Variants in FGD5 observed in about 807,000 individuals in gnomAD.
FGD5 encodes FYVE, RhoGEF and PH domain containing 5.
Under a neutral mutation model 133.4 loss-of-function variants are expected in FGD5, and 28 were observed. The ratio of observed to expected loss-of-function variants is 0.21; its 90% confidence interval spans 0.16 to 0.29. FGD5 has a LOEUF of 0.29. Ranked by LOEUF, FGD5 falls within the 10% of genes least tolerant of loss-of-function variation. FGD5 has a pLI of 1.00. For missense variants in FGD5, 1,858 were observed against 1,895.2 expected (o/e 0.98, Z 0.36); for synonymous variants, 810 against 776.5 (o/e 1.04, Z -0.72).
chr3:14,897,389 T>G (rs1369283760), intron 4 of FGD5, 120 bp from the exon 5 acceptor site: 7 of 1,195,988 alleles, frequency 5.9e-6, no homozygotes, highest in Non-Finnish European at 8.3e-6. Flanking sequence ...AGACACTGGC[T>G]TAAGTCCTCA....
In FGD5 at chr3:14,833,502, G is replaced by A. The variant is rs894457545; in HGVS notation, c.2525+11906G>A. ...CGCACTGAGAGATGTGTCCAGCAGGGTAGTCTTGTAAGGTAGTGAGCTCCC... is the reference window on the plus strand; with the variant it reads ...CGCACTGAGAGATGTGTCCAGCAGGATAGTCTTGTAAGGTAGTGAGCTCCC... On this transcript the variant is annotated intron_variant, in intron 1 of 19. Coordinates refer to ENST00000285046, the MANE Select transcript of FGD5 (RefSeq NM_152536.4). Among the ~76,000 whole-genome samples the A allele has an allele frequency of 6.6e-5, 10 of 152,180 alleles. No individual in the cohort carries two copies. The South Asian group carries it at 1.7e-3, about 25-fold the overall frequency.
At chr3:14,866,618 C>T (rs2125106451) in intron 2 of FGD5, among the ~76,000 whole-genome samples, 1 of 152,260 alleles carries the variant, frequency 6.6e-6, no homozygotes, top group African/African-American at 2.4e-5. Context: ...AGTAATAGTA[C>T]CTGCTTCAGA....
intron 8 of FGD5, 24 bp downstream of exon 8, chr3:14,900,477 G>A: frequency 6.2e-7 from 1 of 1,611,742 alleles, no homozygotes; most frequent in Non-Finnish European, 8.5e-7. Context: ...GAATGCGGAG[G>A]GAGGTACTCA....
upstream of FGD5, chr3:14,810,827 G>A: frequency 1.0e-6 from 1 of 984,742 alleles, no homozygotes; most frequent in Non-Finnish European, 1.2e-6. Context: ...AAACGCCGAC[G>A]GCGGCCCGGG....
At chr3:14,897,691 G>A (rs2117775) in intron 5 of FGD5, 22 bp downstream of exon 5, 1,173,308 of 1,576,204 alleles carry the variant, frequency 0.74, 439,367 homozygotes, top group African/African-American at 0.84. Flanking sequence ...CTGGACCCCC[G>A]GGTTCCACTT....
In FGD5 at chr3:14,819,731, C is replaced by G; in HGVS notation, c.660C>G (p.Gly220=). Residue 220 remains glycine (G), a synonymous_variant, in exon 1 of 20, where the codon GGC becomes GGG. Transcript: ENST00000285046. The surrounding 1 kb of genome is among the most constrained non-coding windows in gnomAD (Gnocchi z 4.1). ...AGGCAGAGGAGGATGATGAGGAAGG[C>G]TGTGCCAGCACAGACCCAGCAGGGG... ...PGEAEEDDEE[G]CASTDPAGAD... 6.5e-7 allele frequency: 1 copy of G among 1,535,794 alleles called. No homozygotes were observed. Among genetic ancestry groups the G allele is most frequent in the Non-Finnish European group, 8.8e-7 (1 of 1,139,266 alleles).
At chr3:14,885,213 G>A (rs2037901973) in intron 4 of FGD5, among the ~76,000 whole-genome samples, 1 of 151,620 alleles carries the variant, frequency 6.6e-6, no homozygotes, top group South Asian at 2.1e-4. Flanking sequence ...TGGAAGAAGG[G>A]GTCAGGGGGC....
rs1280853927 is a variant in FGD5 at position 14,922,006 on chromosome 3, C to A, written c.3658C>A (p.His1220Asn). 3.2e-6 allele frequency: 5 copies of A among 1,560,208 alleles called. No individual in the cohort carries two copies. In the African/African-American group the frequency reaches 4.1e-5, roughly 13 times the overall value. ...GGCCCAGGCGCTGGCTGCATTCCAC[C>A]ATAGCGTGGAGGTGAGTGGGTGGGC... ...YKAQALAAFH[H>N]SVEIRERLGV... is the part of the protein sequence containing the mutation. The change falls in exon 14 of 20, where the codon CAT becomes AAT. Residue 1220 changes from histidine (H) to asparagine (N), a missense_variant. This residue lies in a region of FGD5 where 1,824 missense variants were observed against 1,848.9 expected (regional missense o/e 0.99). Coordinates refer to ENST00000285046, the MANE Select transcript of FGD5 (RefSeq NM_152536.4). The surrounding 1 kb of genome is among the most constrained non-coding windows in gnomAD (Gnocchi z 4.1).
intron 1 of FGD5, among the ~76,000 whole-genome samples, chr3:14,834,040 A>T (rs2036768265): frequency 6.6e-6 from 1 of 151,708 alleles, no homozygotes; most frequent in South Asian, 2.1e-4. Context: ...CTTACTTGGA[A>T]CCCCAACATA....
intron 1 of FGD5, among the ~76,000 whole-genome samples, chr3:14,844,426 G>T (rs1486424451): frequency 6.7e-6 from 1 of 150,182 alleles, no homozygotes; most frequent in African/African-American, 2.5e-5. Context: ...AACTAGCTGC[G>T]TGGAAAAGTC....
At chr3:14,906,481 GCCT>G (rs1559501188) in intron 9 of FGD5, among the ~76,000 whole-genome samples, 1 of 152,332 alleles carries the variant, frequency 6.6e-6, no homozygotes, top group South Asian at 2.1e-4. Flanking sequence ...AGGTCTCCTG[GCCT>G]CCTCCTGGAA....
At chr3:14,875,028 C>G (rs74963989) in intron 2 of FGD5, among the ~76,000 whole-genome samples, 12,042 of 152,242 alleles carry the variant, frequency 0.079, 714 homozygotes, top group East Asian at 0.24. Flanking sequence ...CCCTGAGTAC[C>G]TGTCTCTGAG....
intron 1 of FGD5, among the ~76,000 whole-genome samples, chr3:14,849,252 C>T (rs1480620116): frequency 1.3e-5 from 2 of 152,212 alleles, no homozygotes; most frequent in Non-Finnish European, 2.9e-5. Flanking sequence ...AAAAGGCCTG[C>T]GCCCACCTGC....
intron 4 of FGD5, among the ~76,000 whole-genome samples, chr3:14,885,838 C>T (rs1475179402): frequency 1.3e-5 from 2 of 152,140 alleles, no homozygotes; most frequent in South Asian, 2.1e-4. Context: ...CATAGTCTCT[C>T]CTATTCAATG....
At chr3:14,814,319 A>T (rs1174339088), upstream of FGD5, among the ~76,000 whole-genome samples, 3 of 152,140 alleles carry the variant, frequency 2.0e-5, no homozygotes, top group African/African-American at 7.2e-5. Context: ...AGTTCCCTGG[A>T]ATGCTCTATC....
At chr3:14,818,869 C>T (rs542864621), upstream of FGD5, 40 of 1,346,390 alleles carry the variant, frequency 3.0e-5, no homozygotes, top group Admixed American at 8.9e-4. Flanking sequence ...CCATCTGTGG[C>T]GTCCCCTGCA....
Position 14,819,721 on chromosome 3 carries a change from A to G in FGD5, c.650A>G (p.Asp217Gly). ...PDTPGEAEED[D>G]EEGCASTDPA... ...ACCCCCGGGGAGGCAGAGGAGGATG[A>G]TGAGGAAGGCTGTGCCAGCACAGAC... Residue 217 changes from aspartate (D) to glycine (G), a missense_variant, in exon 1 of 20, where the codon GAT becomes GGT. Coordinates refer to ENST00000285046, the MANE Select transcript of FGD5 (RefSeq NM_152536.4). The surrounding 1 kb of genome is among the most constrained non-coding windows in gnomAD (Gnocchi z 4.1). 6.5e-7 allele frequency: 1 copy of G among 1,535,734 alleles called. No individual in the cohort carries two copies. The highest frequency in any genetic ancestry group is 8.8e-7 in the Non-Finnish European group (1 of 1,138,966).
intron 1 of FGD5, among the ~76,000 whole-genome samples, chr3:14,812,674 T>C (rs1196659406): frequency 6.6e-6 from 1 of 152,202 alleles, no homozygotes; most frequent in Non-Finnish European, 1.5e-5. Flanking sequence ...GGCATGGTGG[T>C]TCACAGACTC....
chr3:14,919,874 C>G (rs2038640660), intron 13 of FGD5, among the ~76,000 whole-genome samples: 2 of 152,250 alleles, frequency 1.3e-5, no homozygotes, highest in Admixed American at 6.5e-5. Flanking sequence ...GGCTCCACAC[C>G]CATGGCCTCA....
Sources: gnomAD v4.1 joint callset for allele counts (sites outside exome capture counted in the v4.1 genomes callset) on GRCh38, gnomAD v4.1.1 for gene constraint, gnomAD v4.1.1 regional missense constraint, Gnocchi (gnomAD v3.1) non-coding constraint, MANE v1.5 for transcripts, NCBI Gene and HGNC (gene_info 2026-07-23, HGNC 2026-07-21) for gene names.